The following ADAMTS15 variants were observed in gnomAD, a reference collection of about 807,000 sequenced individuals.
ADAMTS15 encodes ADAM metallopeptidase with thrombospondin type 1 motif 15, also known as A disintegrin and metalloproteinase with thrombospondin motifs 15.
ADAMTS15 carries 35 observed loss-of-function variants against 79.1 expected under a neutral mutation model. That is an observed-to-expected ratio of 0.44 (90% CI 0.34 to 0.59). The LOEUF is 0.59. Ranked by LOEUF, ADAMTS15 falls within the 20% of genes least tolerant of loss-of-function variation. ADAMTS15 has a pLI of 0.02. For synonymous variants in ADAMTS15, 616 were observed against 567.3 expected (o/e 1.09, Z -1.22); for missense variants, 1,324 against 1,318.7 (o/e 1.00, Z -0.06).
chr11:130,450,118 C>T (rs937460740), intron 1 of ADAMTS15, 188 bp downstream of exon 1: 2 of 985,352 alleles, frequency 2.0e-6, no homozygotes, highest in South Asian at 4.7e-5. Context: ...CGGCGGCTCA[C>T]GTGCATCTGG....
chr11:130,462,305 C>A lies in ADAMTS15; in HGVS notation c.1258+51C>A. 1 of 1,555,934 alleles carries A rather than the reference C, an allele frequency of 6.4e-7. No individual in the cohort carries two copies. Among genetic ancestry groups the A allele is most frequent in the Non-Finnish European group, 8.7e-7 (1 of 1,149,594 alleles). On this transcript the variant is annotated intron_variant, in intron 3 of 7. Coordinates refer to ENST00000299164, the MANE Select transcript of ADAMTS15 (RefSeq NM_139055.4). This position sits in a 1 kb window ranked among gnomAD's most constrained non-coding sequence, Gnocchi z 4.3. ...TGAGGCCGCCTCGGAGGGGGCTTTG[C>A]TGCTGCCCCTGGTGGAGGTGCTCAC... is the stretch of plus-strand genomic sequence containing the variant.
rs1938373007 is a variant in ADAMTS15, at chr11:130,469,313, TGTG to T, written c.1599_1601del (p.Gly535del). ...TCCCTATGGCCCCTGCTCGCGCACA[TGTG>T]GTGGGGGCGTGCAGCTGGCCAGGAG... On this transcript the variant is annotated inframe_deletion, in exon 5 of 8. Transcript: ENST00000299164. 3.6e-6 allele frequency: 5 copies of T among 1,401,702 alleles called. No homozygotes were observed. The highest frequency in any genetic ancestry group is 4.7e-6 in the Non-Finnish European group (5 of 1,072,970). The allele number at this position is 1,401,702 out of a possible 1,614,324, so 86.8% of individuals were successfully genotyped here. A position where few individuals can be genotyped will look rare whatever the true frequency, so the allele number is the denominator to read the frequency against.
chr11:130,470,166 A>ACACATG (rs1435065525), intron 5 of ADAMTS15, among the ~76,000 whole-genome samples: 8 of 57,582 alleles, frequency 1.4e-4, no homozygotes, highest in African/African-American at 5.2e-4. Flanking sequence ...ATATATATAT[A>ACACATG]TATATATATA....
At chr11:130,460,422 A>G (rs1046836717) in intron 1 of ADAMTS15, among the ~76,000 whole-genome samples, 1 of 151,932 alleles carries the variant, frequency 6.6e-6, no homozygotes, top group African/African-American at 2.4e-5. Context: ...TATTACAGGC[A>G]CCTGCCACCA....
intron 5 of ADAMTS15, among the ~76,000 whole-genome samples, chr11:130,470,455 G>A (rs577308520): frequency 1.3e-5 from 2 of 151,648 alleles, no homozygotes; most frequent in South Asian, 4.2e-4. Context: ...GACCTCTGGT[G>A]ATCTGCCCGT....
chr11:130,450,094 C>T (rs1413525385), intron 1 of ADAMTS15, 164 bp downstream of exon 1: 10 of 985,384 alleles, frequency 1.0e-5, no homozygotes, highest in African/African-American at 1.7e-5. Flanking sequence ...AGCCCTCTCC[C>T]ACGCTCCGCG....
At chr11:130,458,845 C>T (rs889090311) in intron 1 of ADAMTS15, among the ~76,000 whole-genome samples, 2 of 152,124 alleles carry the variant, frequency 1.3e-5, no homozygotes, top group Non-Finnish European at 2.9e-5. Flanking sequence ...GTCCAGAGCT[C>T]CAGCCTTGCT....
intron 1 of ADAMTS15, among the ~76,000 whole-genome samples, chr11:130,459,682 A>ACC (rs1009066487): frequency 2.6e-5 from 4 of 152,202 alleles, no homozygotes; most frequent in African/African-American, 9.7e-5. Flanking sequence ...CCTCTGGTGC[A>ACC]CCCGGGTTCA....
chr11:130,449,416 A>C lies in ADAMTS15; in HGVS notation c.443A>C (p.Gln148Pro), dbSNP rs780230300. 5.0e-6 allele frequency: 8 copies of C among 1,597,068 alleles called. No individual in the cohort carries two copies. The highest frequency in any genetic ancestry group is 6.8e-6 in the Non-Finnish European group (8 of 1,176,652). The change falls in exon 1 of 8, where the codon CAG (glutamine) becomes CCG (proline). Residue 148 changes from glutamine (Q) to proline (P), a missense_variant. Transcript: ENST00000299164. The surrounding 1 kb of genome is among the most constrained non-coding windows in gnomAD (Gnocchi z 7.8). The part of the protein sequence containing the change: ...PLPNASAPAA[Q>P]RNSQGAHLLQ... The stretch of plus-strand genomic sequence containing the variant: ...CCCAATGCTAGCGCGCCGGCGGCGC[A>C]GCGCAACAGCCAGGGCGCACACCTT...
chr11:130,463,316 C>CT (rs1938240142), intron 4 of ADAMTS15, among the ~76,000 whole-genome samples: 2 of 152,354 alleles, frequency 1.3e-5, no homozygotes, highest in Middle Eastern at 3.4e-3. Flanking sequence ...TGCTGTTTTT[C>CT]TTTAGCAGGA....
At position 130,449,459 on chromosome 11, in the gene ADAMTS15, T is replaced by C; in HGVS notation, c.486T>C (p.Val162=). 2 of 1,576,252 alleles carry C rather than the reference T, an allele frequency of 1.3e-6. No individual in the cohort carries two copies. The highest frequency in any genetic ancestry group is 8.6e-7 in the Non-Finnish European group (1 of 1,164,912). Residue 162 remains valine (V), a synonymous_variant, in exon 1 of 8, where the codon GTT becomes GTC. Transcript: ENST00000299164. This position sits in a 1 kb window ranked among gnomAD's most constrained non-coding sequence, Gnocchi z 7.8. Reference sequence around the variant, plus strand: ...CACACCTTCTCCAGCGCCGGGGTGTTCCGGGCGGGCCTTCCGGAGACCCCA... The same window carrying C: ...CACACCTTCTCCAGCGCCGGGGTGTCCCGGGCGGGCCTTCCGGAGACCCCA... ...QGAHLLQRRG[V]PGGPSGDPTS...
At chr11:130,455,130 AATG>A (rs1938050200) in intron 1 of ADAMTS15, among the ~76,000 whole-genome samples, 1 of 152,148 alleles carries the variant, frequency 6.6e-6, no homozygotes, top group Non-Finnish European at 1.5e-5. Flanking sequence ...GAATGAGGAT[AATG>A]ATGATGACAT....
At chr11:130,468,806 C>T (rs1206142172) in intron 4 of ADAMTS15, among the ~76,000 whole-genome samples, 15 of 147,524 alleles carry the variant, frequency 1.0e-4, no homozygotes, top group Admixed American at 6.1e-4. Context: ...GCATGGTAGC[C>T]GGCACCTGTA....
chr11:130,454,459 G>C (rs910786623), intron 1 of ADAMTS15, among the ~76,000 whole-genome samples: 1 of 152,222 alleles, frequency 6.6e-6, no homozygotes, highest in Non-Finnish European at 1.5e-5. Flanking sequence ...ATAGGGCAGT[G>C]ATATTTAGTG....
intron 4 of ADAMTS15, among the ~76,000 whole-genome samples, chr11:130,464,971 A>G (rs367573249): frequency 5.3e-5 from 3 of 56,440 alleles, no homozygotes; most frequent in Non-Finnish European, 1.4e-4. Flanking sequence ...CATCTCAAGG[A>G]AAAAAAAAAA....
In ADAMTS15 at chr11:130,473,946, A is replaced by C. The variant is rs1169335494; in HGVS notation, c.*125A>C. ...GCCACGATGTCACCCACATCCGGGG[A>C]CAAGGACCATGGGCTGGGGCGAGAG... On this transcript the variant is annotated 3_prime_UTR_variant, in exon 8 of 8. Transcript: ENST00000299164. The C allele has an allele frequency of 7.5e-7, 1 of 1,330,900 alleles. No homozygotes were observed. The highest frequency in any genetic ancestry group is 1.0e-6 in the Non-Finnish European group (1 of 1,000,100). The allele number at this position is 1,330,900 out of a possible 1,614,324, so 82.4% of individuals were successfully genotyped here.
chr11:130,469,282 A>C lies in ADAMTS15; in HGVS notation c.1563A>C (p.Lys521Asn). Residue 521 changes from lysine (K) to asparagine (N), a missense_variant, in exon 5 of 8, where the codon AAA becomes AAC. Coordinates refer to ENST00000299164, the MANE Select transcript of ADAMTS15 (RefSeq NM_139055.4). ...CACAGGTGGATGGTTCCTGGGCCAA[A>C]TGGGATCCCTATGGCCCCTGCTCGC... The part of the protein sequence containing the change: ...NKHRVDGSWA[K>N]WDPYGPCSRT... 1 of 1,402,268 alleles carries C rather than the reference A, an allele frequency of 7.1e-7. No individual in the cohort carries two copies. The highest frequency in any genetic ancestry group is 9.3e-7 in the Non-Finnish European group (1 of 1,073,676). The allele number at this position is 1,402,268 out of a possible 1,614,324, so 86.9% of individuals were successfully genotyped here. A position where few individuals can be genotyped will look rare whatever the true frequency, so the allele number is the denominator to read the frequency against.
rs1183335685 is a variant in ADAMTS15 at position 130,462,288 on chromosome 11, C to G, written c.1258+34C>G. 2.5e-5 allele frequency: 39 copies of G among 1,584,622 alleles called. No individual in the cohort carries two copies. Among genetic ancestry groups the G allele is most frequent in the Non-Finnish European group, 3.4e-5 (39 of 1,163,570 alleles). On this transcript the variant is annotated intron_variant, in intron 3 of 7. Transcript: ENST00000299164. This position sits in a 1 kb window ranked among gnomAD's most constrained non-coding sequence, Gnocchi z 4.3. Reference sequence around the variant, plus strand: ...GGACGGCGGGAGGGCAATGAGGCCGCCTCGGAGGGGGCTTTGCTGCTGCCC... The same window carrying G: ...GGACGGCGGGAGGGCAATGAGGCCGGCTCGGAGGGGGCTTTGCTGCTGCCC...
intron 4 of ADAMTS15, among the ~76,000 whole-genome samples, chr11:130,463,138 G>T (rs554643416): frequency 2.0e-5 from 3 of 152,276 alleles, no homozygotes; most frequent in Non-Finnish European, 4.4e-5. Flanking sequence ...CGGCTCACTC[G>T]CTGGCTCATC....
Sources: gnomAD v4.1 joint callset for allele counts (sites outside exome capture counted in the v4.1 genomes callset) on GRCh38, gnomAD v4.1.1 for gene constraint, Gnocchi (gnomAD v3.1) non-coding constraint, MANE v1.5 for transcripts, NCBI Gene and HGNC (gene_info 2026-07-23, HGNC 2026-07-21) for gene names.